STK40: variants seen among roughly 807,000 people sequenced by gnomAD.
STK40 encodes serine/threonine-protein kinase 40.
Under a neutral mutation model 47.9 loss-of-function variants are expected in STK40, and 13 were observed. That is an observed-to-expected ratio of 0.27 (90% confidence interval 0.18 to 0.43). STK40 has a LOEUF of 0.43. Among genes scored for constraint, STK40 ranks in the 20% least tolerant of loss-of-function variants. STK40 has a pLI of 1.00. For missense variants in STK40, 460 were observed against 595.1 expected (o/e 0.77, Z 2.36); for synonymous variants, 225 against 243.2 (o/e 0.93, Z 0.69).
At chr1:36,343,174 A>T in intron 10 of STK40, 190 bp downstream of exon 10, 1 of 733,618 alleles carries the variant, frequency 1.4e-6, no homozygotes, top group Non-Finnish European at 2.5e-6. Flanking sequence ...CAGCTACACC[A>T]AGCCCAAGGC....
chr1:36,362,830 T>C (rs1358269003), intron 1 of STK40, among the ~76,000 whole-genome samples: 1 of 152,228 alleles, frequency 6.6e-6, no homozygotes, highest in Non-Finnish European at 1.5e-5. Flanking sequence ...ACTGTAATGC[T>C]ATTTTATGTT....
intron 1 of STK40, among the ~76,000 whole-genome samples, chr1:36,362,259 C>A (rs545458063): frequency 6.7e-4 from 102 of 152,254 alleles, no homozygotes; most frequent in African/African-American, 2.3e-3. Flanking sequence ...AACACCTTGG[C>A]AAAGCAGGAT....
At position 36,361,359 on chromosome 1, in the gene STK40, C is replaced by A. The variant is rs1023023081; in HGVS notation, c.-8-19G>T. The A allele has an allele frequency of 6.2e-7, 1 of 1,613,722 alleles. No individual in the cohort carries two copies. The highest frequency in any genetic ancestry group is 2.2e-5 in the East Asian group (1 of 44,886). On this transcript the variant is annotated intron_variant, in intron 1 of 10. Coordinates refer to ENST00000373132, the MANE Select transcript of STK40 (RefSeq NM_001282547.2). ...CTCAGCTCTAGACAAGACAGAAAGACCCCTTCTCACTGAGTAAGTCAGCGA... is the reference window on the plus strand; with the variant it reads ...CTCAGCTCTAGACAAGACAGAAAGAACCCTTCTCACTGAGTAAGTCAGCGA...
intron 1 of STK40, among the ~76,000 whole-genome samples, chr1:36,385,340 C>T (rs1198703957): frequency 1.4e-5 from 2 of 138,404 alleles, no homozygotes; most frequent in Admixed American, 6.8e-5. Context: ...CTCGTTCTAA[C>T]TATCAAGTCA....
chr1:36,385,345 A>G (rs113529773), intron 1 of STK40, among the ~76,000 whole-genome samples: 52 of 152,206 alleles, frequency 3.4e-4, no homozygotes, highest in African/African-American at 1.2e-3. Flanking sequence ...TCTAACTATC[A>G]AGTCACCCTC....
intron 1 of STK40, among the ~76,000 whole-genome samples, chr1:36,362,229 C>T (rs1646858487): frequency 6.6e-6 from 1 of 152,192 alleles, no homozygotes; most frequent in East Asian, 1.9e-4. Context: ...GGAGTTGTCT[C>T]TTCCAGCTCT....
chr1:36,343,918 G>C lies in STK40; in HGVS notation c.946C>G (p.Gln316Glu). 6.2e-7 allele frequency: 1 copy of C among 1,607,896 alleles called. No individual in the cohort carries two copies. The highest frequency in any genetic ancestry group is 1.3e-5 in the African/African-American group (1 of 74,942). The stretch of plus-strand genomic sequence containing the variant: ...ACGTCGGCGGCGGCCAGGCGCTGCT[G>C]GGGGTCAAGGACCAGCAGCTTCCGG... ...LIRKLLVLDP[Q>E]QRLAAADVLE... is the part of the protein sequence containing the mutation. The change falls in exon 9 of 11, where the codon CAG (glutamine) becomes GAG (glutamate). Residue 316 changes from glutamine to glutamate, a missense_variant. Physicochemically the swap from Gln to Glu is conservative, Grantham distance 29. Transcript: ENST00000373132.
In STK40 at chr1:36,364,007, C is replaced by T. The variant is rs189770603; in HGVS notation, c.-8-2667G>A. Among the ~76,000 whole-genome samples, 975 of 146,528 alleles carry T rather than the reference C, an allele frequency of 6.7e-3. 8 individuals carry two copies. The highest frequency in any genetic ancestry group is 0.023 in the African/African-American group (913 of 39,650). On this transcript the variant is annotated intron_variant, in intron 1 of 10. Coordinates refer to ENST00000373132, the MANE Select transcript of STK40 (RefSeq NM_001282547.2). Reference sequence around the variant, plus strand: ...TCTACTAAAAATACAAAAAATTAGCCGGGTGTGGTGGTGGGCACCTGTAGT... The same window carrying T: ...TCTACTAAAAATACAAAAAATTAGCTGGGTGTGGTGGTGGGCACCTGTAGT...
In STK40 at chr1:36,343,978, C is replaced by T. The variant is rs146986974; in HGVS notation, c.886G>A (p.Asp296Asn). Residue 296 changes from aspartate (D) to asparagine (N), a missense_variant and splice_region_variant, in exon 9 of 11, where the codon GAT becomes AAT. Physicochemically the swap from Asp to Asn is conservative, Grantham distance 23. Coordinates refer to ENST00000373132, the MANE Select transcript of STK40 (RefSeq NM_001282547.2). ...IKAAEYTIPE[D>N]GRVSENTVCL... ...ACGGTGTTCTCAGAAACCCGTCCAT[C>T]CCTGAGGCAGGGAGTTGGGGAGGAG... 1.9e-6 allele frequency: 3 copies of T among 1,602,488 alleles called. No homozygotes were observed. The highest frequency in any genetic ancestry group is 2.6e-6 in the Non-Finnish European group (3 of 1,171,648).
In STK40 at chr1:36,358,828, G is replaced by A. The variant is rs373115517; in HGVS notation, c.113-6C>T. 4.0e-5 allele frequency: 64 copies of A among 1,614,114 alleles called. 1 individual carries two copies. The African/African-American group carries it at 6.0e-4, about 15-fold the overall frequency. ...TGAGTTGCCCAGACGGGGACCTACG[G>A]CACAGAGAGCTGCTGGTCTACTTTT... is the stretch of plus-strand genomic sequence containing the variant. On this transcript the variant is annotated splice_polypyrimidine_tract_variant and splice_region_variant and intron_variant, in intron 2 of 10. Coordinates refer to ENST00000373132, the MANE Select transcript of STK40 (RefSeq NM_001282547.2).
intron 7 of STK40, among the ~76,000 whole-genome samples, chr1:36,346,863 G>T (rs1646706942): frequency 6.6e-6 from 1 of 152,164 alleles, no homozygotes. Flanking sequence ...CTGCAAACAG[G>T]CACAGCCCCA....
intron 1 of STK40, among the ~76,000 whole-genome samples, chr1:36,382,060 T>C (rs919491746): frequency 3.3e-5 from 5 of 152,206 alleles, no homozygotes; most frequent in Non-Finnish European, 7.3e-5. Context: ...GGGCTCTGTA[T>C]TTTGAGCTAC....
At chr1:36,376,505 C>T (rs1034257153) in intron 1 of STK40, among the ~76,000 whole-genome samples, 1 of 152,200 alleles carries the variant, frequency 6.6e-6, no homozygotes, top group African/African-American at 2.4e-5. Context: ...CAACAAAAGT[C>T]CCTATAGAGC....
intron 1 of STK40, among the ~76,000 whole-genome samples, chr1:36,370,114 G>A (rs998605492): frequency 1.3e-5 from 2 of 152,244 alleles, no homozygotes; most frequent in Admixed American, 6.5e-5. Context: ...AAATGCATGA[G>A]GCAGAATGGG....
At chr1:36,343,283 C>A in intron 10 of STK40, 81 bp downstream of exon 10, 1 of 1,458,314 alleles carries the variant, frequency 6.9e-7, no homozygotes. Flanking sequence ...GGGTAGCTGC[C>A]ACCTCTGCCC....
At chr1:36,372,137 T>C (rs907766691) in intron 1 of STK40, among the ~76,000 whole-genome samples, 1 of 152,084 alleles carries the variant, frequency 6.6e-6, no homozygotes, top group African/African-American at 2.4e-5. Flanking sequence ...TGGTACATAA[T>C]GATAACTGAT....
Position 36,343,412 on chromosome 1 carries a change from C to T in STK40, c.1041G>A (p.Val347=). 6.2e-7 allele frequency: 1 copy of T among 1,613,744 alleles called. No individual in the cohort carries two copies. The highest frequency in any genetic ancestry group is 8.5e-7 in the Non-Finnish European group (1 of 1,179,824). ...TCATTTGGTCATCAATGTCAGGAACCACTTGCAAAGGCCCACTCAGAGATG... is the reference window on the plus strand; with the variant it reads ...TCATTTGGTCATCAATGTCAGGAACTACTTGCAAAGGCCCACTCAGAGATG... ...SLSSLSGPLQ[V]VPDIDDQMSN... Residue 347 remains valine, a synonymous_variant, in exon 10 of 11, where the codon GTG becomes GTA. Coordinates refer to ENST00000373132, the MANE Select transcript of STK40 (RefSeq NM_001282547.2).
intron 1 of STK40, among the ~76,000 whole-genome samples, chr1:36,373,286 G>A (rs1646965940): frequency 6.6e-6 from 1 of 152,188 alleles, no homozygotes; most frequent in Non-Finnish European, 1.5e-5. Flanking sequence ...CCTGTGGCAA[G>A]TCTCTGCAGG....
chr1:36,355,560 C>T (rs560890973), intron 4 of STK40, 127 bp from the exon 5 acceptor site: 19 of 1,031,240 alleles, frequency 1.8e-5, no homozygotes, highest in South Asian at 7.1e-5. Flanking sequence ...CCTGCATGTG[C>T]GGGCCAGAGA....
Sources: allele counts gnomAD v4.1 joint callset (sites outside exome capture counted in the v4.1 genomes callset), GRCh38; gene constraint gnomAD v4.1.1; transcripts MANE v1.5; gene names NCBI Gene and HGNC (gene_info 2026-07-23, HGNC 2026-07-21).